The following EP300 variants were observed in gnomAD, a reference collection of about 807,000 sequenced individuals.
EP300 encodes the protein EP300 lysine acetyltransferase, also known as histone acetyltransferase p300.
EP300 carries 31 observed loss-of-function variants against 264.0 expected under a neutral mutation model. The observed-to-expected ratio is 0.12, with a 90% CI of 0.09 to 0.16. EP300 has a LOEUF of 0.16. EP300 is among the 10% of genes least tolerant of loss of function. EP300 has a pLI of 1.00. For missense variants in EP300, 2,766 were observed against 3,052.9 expected (o/e 0.91, Z 2.21); for synonymous variants, 1,340 against 1,045.4 (o/e 1.28, Z -5.44).
At chr22:41,104,017 C>T (rs1418303903) in intron 1 of EP300, among the ~76,000 whole-genome samples, 1 of 152,118 alleles carries the variant, frequency 6.6e-6, no homozygotes, top group Non-Finnish European at 1.5e-5. Context: ...TACCAGATAC[C>T]AACTTAGAAA....
At chr22:41,170,984 A>G (rs1011394624) in intron 27 of EP300, among the ~76,000 whole-genome samples, 55 of 147,098 alleles carry the variant, frequency 3.7e-4, no homozygotes, top group Non-Finnish European at 6.6e-4. Flanking sequence ...TTTTTAAACA[A>G]AAGTCTTGCT....
chr22:41,142,900 T>C (rs1352153035), intron 10 of EP300, among the ~76,000 whole-genome samples: 2 of 150,594 alleles, frequency 1.3e-5, no homozygotes, highest in African/African-American at 4.9e-5. Flanking sequence ...AAAAAACAAG[T>C]GGACATACCT....
Position 41,151,840 on chromosome 22 carries a change from A to G in EP300, c.2825A>G (p.Gln942Arg). ...LPPQPATPLS[Q>R]PAVSIEGQVS... The stretch of plus-strand genomic sequence containing the variant: ...CCTTTTTTTTCTGCCCAGCTTTCCC[A>G]GCCAGCTGTAAGCATTGAAGGACAG... The change falls in exon 15 of 31, where the codon CAG (glutamine) becomes CGG (arginine). Residue 942 changes from glutamine (Q) to arginine (R), a missense_variant. Coordinates refer to ENST00000263253, the MANE Select transcript of EP300 (RefSeq NM_001429.4). The G allele has an allele frequency of 6.2e-7, 1 of 1,614,070 alleles. No individual in the cohort carries two copies. Among genetic ancestry groups the G allele is most frequent in the South Asian group, 1.1e-5 (1 of 91,084 alleles).
Position 41,177,028 on chromosome 22 carries a change from C to T in EP300, c.5317C>T (p.Arg1773Trp), listed in dbSNP as rs1238889159. 5.6e-6 allele frequency: 9 copies of T among 1,614,180 alleles called. No homozygotes were observed. The highest frequency in any genetic ancestry group is 2.2e-5 in the East Asian group (1 of 44,874). The part of the protein sequence containing the change: ...RVVQHTKGCK[R>W]KTNGGCPICK... ...TGTGCAGCATACCAAGGGTTGCAAA[C>T]GGAAAACCAATGGCGGGTGCCCCAT... The change falls in exon 31 of 31, where the codon CGG becomes TGG. Residue 1773 changes from arginine to tryptophan, a missense_variant. By Grantham distance (101) the Arg-to-Trp change is moderately radical. Transcript: ENST00000263253.
At chr22:41,093,661 C>T (rs935716849) in intron 1 of EP300, among the ~76,000 whole-genome samples, 1 of 151,966 alleles carries the variant, frequency 6.6e-6, no homozygotes, top group African/African-American at 2.4e-5. Context: ...CCATTCTTAG[C>T]TTTTTTTTCC....
At chr22:41,123,436 T>C (rs921001305) in intron 2 of EP300, among the ~76,000 whole-genome samples, 2 of 152,196 alleles carry the variant, frequency 1.3e-5, no homozygotes, top group African/African-American at 4.8e-5. Context: ...TTTTCTTTTA[T>C]AGAGGCAGGT....
chr22:41,133,203 C>T (rs2145717779), intron 6 of EP300, among the ~76,000 whole-genome samples: 1 of 143,608 alleles, frequency 7.0e-6, no homozygotes, highest in Middle Eastern at 4.1e-3. Context: ...GTCACCGAGG[C>T]TGGAGTACAG....
intron 1 of EP300, among the ~76,000 whole-genome samples, chr22:41,114,761 C>T (rs917428751): frequency 1.3e-5 from 2 of 151,270 alleles, no homozygotes; most frequent in African/African-American, 2.4e-5. Context: ...AGGAGGCAAA[C>T]CCAGAGATAA....
rs2059048338 is a variant in EP300 at position 41,151,949 on chromosome 22, G to A, written c.2934G>A (p.Met978Ile). The change falls in exon 15 of 31, where the codon ATG becomes ATA. Residue 978 changes from methionine (M) to isoleucine (I), a missense_variant. Coordinates refer to ENST00000263253, the MANE Select transcript of EP300 (RefSeq NM_001429.4). ...AEKQPSQEVKMEAKMEVDQPE... is the reference protein window; with the variant it reads ...AEKQPSQEVKIEAKMEVDQPE... ...AGCAGCCTTCCCAGGAAGTGAAGAT[G>A]GAGGCCAAAATGGAAGTGGATCAAC... The A allele has an allele frequency of 6.2e-7, 1 of 1,614,164 alleles. No individual in the cohort carries two copies. Among genetic ancestry groups the A allele is most frequent in the Non-Finnish European group, 8.5e-7 (1 of 1,180,046 alleles).
At chr22:41,128,421 A>T (rs1008682847) in intron 4 of EP300, among the ~76,000 whole-genome samples, 6 of 152,102 alleles carry the variant, frequency 3.9e-5, no homozygotes, top group African/African-American at 1.4e-4. Context: ...ACATCATACC[A>T]CTGCACTCCA....
intron 1 of EP300, among the ~76,000 whole-genome samples, chr22:41,100,236 C>G (rs1255477146): frequency 6.6e-6 from 1 of 152,148 alleles, no homozygotes; most frequent in Non-Finnish European, 1.5e-5. Context: ...GACTCTGTTT[C>G]TAAAACAACA....
intron 10 of EP300, chr22:41,146,456 T>C: frequency 2.4e-6 from 1 of 409,530 alleles, no homozygotes; most frequent in Non-Finnish European, 4.5e-6. Context: ...CGTGAGCCAC[T>C]GTGCCTGGCC....
intron 21 of EP300, among the ~76,000 whole-genome samples, chr22:41,163,744 C>T (rs1336059550): frequency 1.3e-5 from 2 of 151,904 alleles, no homozygotes; most frequent in Non-Finnish European, 2.9e-5. Context: ...GAGACTCCAT[C>T]TCAGAAAACA....
intron 24 of EP300, 39 bp downstream of exon 24, chr22:41,168,638 A>G (rs1368284149): frequency 3.7e-6 from 6 of 1,614,110 alleles, no homozygotes; most frequent in Non-Finnish European, 5.1e-6. Context: ...TCGTGGATCC[A>G]AAATTGCTCA....
chr22:41,159,610 G>C (rs1023176989), intron 19 of EP300: 1 of 152,176 alleles, frequency 6.6e-6, no homozygotes, highest in African/African-American at 2.4e-5. Flanking sequence ...ATTTCCTTTT[G>C]AAATGTATCA....
chr22:41,170,634 T>C, intron 27 of EP300, 63 bp downstream of exon 27: 1 of 1,196,858 alleles, frequency 8.4e-7, no homozygotes. Context: ...ATGTTGCTGC[T>C]CTTTGTTCTG....
rs1261863823 is a variant in EP300 at position 41,117,181 on chromosome 22, T to G, written c.95-6T>G. ...TTTGACCTTTGTCTTTTCCCTTTGC[T>G]TTTAGATTTTGGCTCTCTATTTGAC... On this transcript the variant is annotated splice_region_variant and splice_polypyrimidine_tract_variant and intron_variant, in intron 1 of 30. Coordinates refer to ENST00000263253, the MANE Select transcript of EP300 (RefSeq NM_001429.4). The G allele has an allele frequency of 6.2e-7, 1 of 1,614,042 alleles. No homozygotes were observed. The highest frequency in any genetic ancestry group is 8.5e-7 in the Non-Finnish European group (1 of 1,179,910).
At position 41,168,470 on chromosome 22, in the gene EP300, G is replaced by A. The variant is rs1262147367; in HGVS notation, c.3896G>A (p.Gly1299Asp). 6.2e-7 allele frequency: 1 copy of A among 1,614,144 alleles called. No homozygotes were observed. Residue 1299 changes from glycine to aspartate, a missense_variant, in exon 24 of 31, where the codon GGC (glycine) becomes GAC (aspartate). Transcript: ENST00000263253. ...SAKRLPSTRLGTFLENRVNDF... is the reference protein window; with the variant it reads ...SAKRLPSTRLDTFLENRVNDF... ...CTAGGGTTGCCATCTACCAGACTTG[G>A]CACCTTTCTAGAGAATCGTGTGAAT...
chr22:41,127,561 A>G lies in EP300; in HGVS notation c.981A>G (p.Ala327=). The stretch of plus-strand genomic sequence containing the variant: ...TTGCCCAAGGGATGGGTTCTGGAGC[A>G]CATACAGCTGATCCAGAGAAGCGCA... The part of the protein sequence containing the change: ...TPVAQGMGSG[A]HTADPEKRKL... The change falls in exon 4 of 31, where the codon GCA becomes GCG. Residue 327 remains alanine (A), a synonymous_variant. Coordinates refer to ENST00000263253, the MANE Select transcript of EP300 (RefSeq NM_001429.4). 1.2e-6 allele frequency: 2 copies of G among 1,614,250 alleles called. No individual in the cohort carries two copies. Among genetic ancestry groups the G allele is most frequent in the Non-Finnish European group, 1.7e-6 (2 of 1,180,046 alleles).
Sources: allele counts gnomAD v4.1 joint callset (sites outside exome capture counted in the v4.1 genomes callset), GRCh38; gene constraint gnomAD v4.1.1; transcripts MANE v1.5; gene names NCBI Gene and HGNC (gene_info 2026-07-23, HGNC 2026-07-21).